ARHGAP29: variants seen among roughly 807,000 people sequenced by gnomAD.
ARHGAP29 encodes rho GTPase-activating protein 29.
Under a neutral mutation model 122.6 loss-of-function variants are expected in ARHGAP29, and 43 were observed. That is an observed-to-expected ratio of 0.35 (90% CI 0.27 to 0.45). The LOEUF (loss-of-function observed/expected upper bound fraction) is 0.45, where lower values mean the gene tolerates loss of function less well. Ranked by LOEUF, ARHGAP29 falls within the 20% of genes least tolerant of loss-of-function variation. The pLI, the probability that ARHGAP29 is intolerant of heterozygous loss-of-function variation, is 1.00. For synonymous variants in ARHGAP29, 506 were observed against 497.1 expected (o/e 1.02, Z -0.24); for missense variants, 1,303 against 1,477.2 (o/e 0.88, Z 1.93).
chr1:94,186,536 A>G lies in ARHGAP29; in HGVS notation c.1743T>C (p.Asp581=). The change falls in exon 16 of 23, where the codon GAT becomes GAC. Residue 581 remains aspartate, a synonymous_variant. Coordinates refer to ENST00000260526, the MANE Select transcript of ARHGAP29 (RefSeq NM_004815.4). ...PSSGTMSSAD[D]LDEREPPSPS... is the part of the protein sequence containing the mutation. Reference sequence around the variant, plus strand: ...GGGAAGGTGGCTCTCTTTCATCTAGATCATCTGCAGAGGACATAGTTCCAC... The same window carrying G: ...GGGAAGGTGGCTCTCTTTCATCTAGGTCATCTGCAGAGGACATAGTTCCAC... 2 of 1,613,812 alleles carry G rather than the reference A, an allele frequency of 1.2e-6. No individual in the cohort carries two copies. Among genetic ancestry groups the G allele is most frequent in the Non-Finnish European group, 1.7e-6 (2 of 1,179,810 alleles).
rs1648607498 is a variant in ARHGAP29, at chr1:94,169,741, G to A, written c.*4128C>T. On this transcript the variant is annotated 3_prime_UTR_variant, in exon 23 of 23. Coordinates refer to ENST00000260526, the MANE Select transcript of ARHGAP29 (RefSeq NM_004815.4). The stretch of plus-strand genomic sequence containing the variant: ...AGAAACCAGGGCTCCTTGGAAAAAA[G>A]GGCTAATTCTAGACTTGGGGTAGGG... 6.6e-6 allele frequency among the ~76,000 whole-genome samples: 1 copy of A among 152,036 alleles called. No homozygotes were observed.
chr1:94,185,137 C>A, intron 17 of ARHGAP29, 77 bp from the exon 18 acceptor site: 1 of 1,387,032 alleles, frequency 7.2e-7, no homozygotes, highest in Non-Finnish European at 9.7e-7. Context: ...TGGAAGGTAA[C>A]ACAACAAAAA....
intron 12 of ARHGAP29, among the ~76,000 whole-genome samples, chr1:94,201,107 A>G (rs930338659): frequency 1.3e-5 from 2 of 151,070 alleles, no homozygotes; most frequent in African/African-American, 4.9e-5. Context: ...AATTTGGTTC[A>G]ATTTTAATAT....
chr1:94,268,557 C>T (rs1570627288), intron 1 of ARHGAP29, among the ~76,000 whole-genome samples: 1 of 152,088 alleles, frequency 6.6e-6, no homozygotes, highest in Non-Finnish European at 1.5e-5. Context: ...CTCTGTTTCT[C>T]TTCATTAATA....
intron 1 of ARHGAP29, 25 bp downstream of exon 1, chr1:94,237,390 G>A: frequency 4.1e-6 from 4 of 984,670 alleles, no homozygotes; most frequent in Non-Finnish European, 4.8e-6. Flanking sequence ...CGCGGCCGGA[G>A]CAAGCGCCAC....
chr1:94,238,053 ATTTTTT>A (rs71717670), upstream of ARHGAP29, among the ~76,000 whole-genome samples: 15 of 61,054 alleles, frequency 2.5e-4, no homozygotes, highest in Admixed American at 4.2e-4. Context: ...GCCTATCTGT[ATTTTTT>A]TTTTTTTTTT....
At chr1:94,196,880 A>G (rs777772631) in intron 12 of ARHGAP29, among the ~76,000 whole-genome samples, 1 of 152,220 alleles carries the variant, frequency 6.6e-6, no homozygotes, top group African/African-American at 2.4e-5. Context: ...GATATACATA[A>G]GCAATGCTTA....
At position 94,183,356 on chromosome 1, in the gene ARHGAP29, C is replaced by T. The variant is rs1027587348; in HGVS notation, c.2247+795G>A. On this transcript the variant is annotated intron_variant, in intron 19 of 22. Coordinates refer to ENST00000260526, the MANE Select transcript of ARHGAP29 (RefSeq NM_004815.4). ...AGCTTGGCTCAGGTCTTTTTTTGTA[C>T]GTGTCTCATGACAATGTGCTGATTA... 5.9e-5 allele frequency among the ~76,000 whole-genome samples: 9 copies of T among 152,068 alleles called. No individual in the cohort carries two copies. The South Asian group carries it at 1.0e-3, about 18-fold the overall frequency.
intron 2 of ARHGAP29, 141 bp downstream of exon 2, chr1:94,231,266 T>C (rs1295357471): frequency 1.5e-6 from 1 of 659,910 alleles, no homozygotes; most frequent in Non-Finnish European, 2.6e-6. Flanking sequence ...ACTGTAACCA[T>C]CAAAGATTTG....
At chr1:94,193,371 A>G (rs1163130389) in intron 12 of ARHGAP29, 1 of 150,962 alleles carries the variant, frequency 6.6e-6, no homozygotes, top group Non-Finnish European at 1.5e-5. Context: ...AATACTACAA[A>G]AAAAAAAAAA....
upstream of ARHGAP29, among the ~76,000 whole-genome samples, chr1:94,242,503 T>C (rs1334113595): frequency 6.6e-6 from 1 of 151,818 alleles, no homozygotes; most frequent in Non-Finnish European, 1.5e-5. Context: ...ACATTATAGG[T>C]AAAGTAGTGT....
At position 94,203,947 on chromosome 1, in the gene ARHGAP29, T is replaced by C. The variant is rs1651026778; in HGVS notation, c.745A>G (p.Thr249Ala). 6.2e-7 allele frequency: 1 copy of C among 1,613,936 alleles called. No homozygotes were observed. Among genetic ancestry groups the C allele is most frequent in the Non-Finnish European group, 8.5e-7 (1 of 1,179,938 alleles). The change falls in exon 8 of 23, where the codon ACT (threonine) becomes GCT (alanine). Residue 249 changes from threonine to alanine, a missense_variant. Transcript: ENST00000260526. Reference sequence around the variant, plus strand: ...ACACTTACCTGAATTCCAATGTTAGTTCTAGTTGCCTCTGCCAACTTGACC... The same window carrying C: ...ACACTTACCTGAATTCCAATGTTAGCTCTAGTTGCCTCTGCCAACTTGACC... The part of the protein sequence containing the change: ...NMVKLAEATR[T>A]NIGIQEFMPL...
chr1:94,313,224 C>T, the ARHGAP29 span, among the ~76,000 whole-genome samples: 1 of 152,094 alleles, frequency 6.6e-6, no homozygotes. Flanking sequence ...TACTCTCTGC[C>T]CGAGATGCTC....
chr1:94,272,768 C>T (rs938888699), intron 1 of ARHGAP29, among the ~76,000 whole-genome samples: 12 of 152,160 alleles, frequency 7.9e-5, no homozygotes, highest in Admixed American at 3.3e-4. Flanking sequence ...AAGGCTCTTC[C>T]CACCTATACC....
chr1:94,280,086 T>G, the ARHGAP29 span, among the ~76,000 whole-genome samples: 4 of 135,074 alleles, frequency 3.0e-5, no homozygotes, highest in East Asian at 9.0e-4. Context: ...ACATAATATT[T>G]ATCATTTAAC....
rs754543826 is a variant in ARHGAP29 at position 94,177,637 on chromosome 1, T to C, written c.2880A>G (p.Leu960=). 6 of 1,612,440 alleles carry C rather than the reference T, an allele frequency of 3.7e-6. No homozygotes were observed. The highest frequency in any genetic ancestry group is 5.1e-6 in the Non-Finnish European group (6 of 1,179,532). ...FEESERKQNA[L]GKCDACLSDK... ...CACTGAGACATGCATCACATTTTCCTAACGCATTTTGCTTGCGTTCTGATT... is the reference window on the plus strand; with the variant it reads ...CACTGAGACATGCATCACATTTTCCCAACGCATTTTGCTTGCGTTCTGATT... Residue 960 remains leucine, a synonymous_variant, in exon 22 of 23, where the codon TTA becomes TTG. Coordinates refer to ENST00000260526, the MANE Select transcript of ARHGAP29 (RefSeq NM_004815.4).
At position 94,202,393 on chromosome 1, in the gene ARHGAP29, G is replaced by A; in HGVS notation, c.1143+151C>T. On this transcript the variant is annotated intron_variant, in intron 11 of 22. Coordinates refer to ENST00000260526, the MANE Select transcript of ARHGAP29 (RefSeq NM_004815.4). ...ACCTGAGAGCCTATTAAAAAATGTT[G>A]ACCTACTGAATGAGAAACTCTGGGG... 4 of 853,838 alleles carry A rather than the reference G, an allele frequency of 4.7e-6. No homozygotes were observed. The South Asian group carries it at 7.0e-5, about 15-fold the overall frequency. 52.9% of individuals were successfully genotyped at this position (853,838 alleles called of 1,614,324 possible).
At chr1:94,207,899 G>A (rs750341177) in intron 5 of ARHGAP29, among the ~76,000 whole-genome samples, 26 of 151,754 alleles carry the variant, frequency 1.7e-4, no homozygotes, top group Non-Finnish European at 2.8e-4. Context: ...AGAGAGGAAT[G>A]ACACAATCAC....
intron 12 of ARHGAP29, chr1:94,194,165 C>A (rs1444367602): frequency 2.6e-5 from 4 of 152,062 alleles, no homozygotes; most frequent in Admixed American, 2.0e-4. Flanking sequence ...CTATTTTAGG[C>A]TGAATTGTCC....
Sources: gnomAD v4.1 joint callset for allele counts (sites outside exome capture counted in the v4.1 genomes callset) on GRCh38, gnomAD v4.1.1 for gene constraint, MANE v1.5 for transcripts, NCBI Gene and HGNC (gene_info 2026-07-23, HGNC 2026-07-21) for gene names.